CCDC3: variants seen among roughly 807,000 people sequenced by gnomAD.
The protein encoded by CCDC3 is coiled-coil domain containing 3.
A neutral mutation model predicts 21.4 loss-of-function variants in CCDC3; 24 were observed. The ratio of observed to expected loss-of-function variants is 1.12; its 90% CI spans 0.81 to 1.58. The LOEUF (loss-of-function observed/expected upper bound fraction) is 1.58. Among genes scored for constraint, CCDC3 ranks in the 40% most tolerant of loss-of-function variants. CCDC3 has a pLI of 0.00. For missense variants in CCDC3, 425 were observed against 360.9 expected (o/e 1.18, Z -1.44); for synonymous variants, 186 against 166.0 (o/e 1.12, Z -0.93).
chr10:13,082,302 C>G (rs779685491), intron 3 of CCDC3, among the ~76,000 whole-genome samples: 11 of 152,234 alleles, frequency 7.2e-5, no homozygotes, highest in Non-Finnish European at 1.3e-4. Flanking sequence ...ACAGGCGGCC[C>G]TTCCCTGTTT....
intron 4 of CCDC3, among the ~76,000 whole-genome samples, chr10:13,063,039 C>A: frequency 6.6e-6 from 1 of 151,884 alleles, no homozygotes; most frequent in African/African-American, 2.4e-5. Flanking sequence ...ATCAGCACTC[C>A]TGGCTCACTG....
chr10:12,979,008 C>T (rs148454712), intron 2 of CCDC3, among the ~76,000 whole-genome samples: 141 of 152,214 alleles, frequency 9.3e-4, no homozygotes, highest in African/African-American at 3.1e-3. Context: ...CCTGTGTCAT[C>T]GCCTCATCCA....
At chr10:13,006,573 G>C (rs1835926374), upstream of CCDC3, among the ~76,000 whole-genome samples, 1 of 152,188 alleles carries the variant, frequency 6.6e-6, no homozygotes, top group Non-Finnish European at 1.5e-5. Context: ...TCTCTTGGTA[G>C]AAATGAAAGT....
chr10:13,043,053 A>C (rs973186286), intron 5 of CCDC3, among the ~76,000 whole-genome samples: 2 of 152,132 alleles, frequency 1.3e-5, no homozygotes, highest in African/African-American at 4.8e-5. Context: ...ATTTAAAAGG[A>C]AAACTTTTAA....
intron 2 of CCDC3, among the ~76,000 whole-genome samples, chr10:12,923,936 G>A (rs10906254): frequency 1.3e-5 from 2 of 152,078 alleles, no homozygotes; most frequent in Non-Finnish European, 2.9e-5. Flanking sequence ...TCAGGGAATG[G>A]CTACACTTTG....
intron 2 of CCDC3, among the ~76,000 whole-genome samples, chr10:12,933,562 A>T (rs1013263549): frequency 6.6e-6 from 1 of 151,338 alleles, no homozygotes; most frequent in Non-Finnish European, 1.5e-5. Flanking sequence ...GGTTCAAGAG[A>T]GTCTTGTGCC....
At chr10:13,041,286 G>A (rs1185738692) in intron 5 of CCDC3, among the ~76,000 whole-genome samples, 1 of 151,994 alleles carries the variant, frequency 6.6e-6, no homozygotes. Context: ...AAAAACTAAA[G>A]CTAGATGAGT....
At chr10:13,041,885 C>T (rs1210794696) in intron 5 of CCDC3, among the ~76,000 whole-genome samples, 3 of 151,896 alleles carry the variant, frequency 2.0e-5, no homozygotes, top group Admixed American at 2.0e-4. Flanking sequence ...CCTCAACCTA[C>T]CAAAGTGCTG....
At chr10:12,912,696 T>A (rs1294862026) in intron 2 of CCDC3, among the ~76,000 whole-genome samples, 8 of 152,196 alleles carry the variant, frequency 5.3e-5, no homozygotes, top group Non-Finnish European at 8.8e-5. Flanking sequence ...CCCAGACCAA[T>A]GTCATGGAGC....
intron 2 of CCDC3, among the ~76,000 whole-genome samples, chr10:12,923,429 C>T (rs758739585): frequency 8.5e-5 from 13 of 152,162 alleles, no homozygotes; most frequent in Non-Finnish European, 1.6e-4. Context: ...CCTCCTGGCA[C>T]GCCCTTTCCA....
intron 2 of CCDC3, among the ~76,000 whole-genome samples, chr10:12,974,206 C>G (rs554154814): frequency 6.6e-6 from 1 of 152,216 alleles, no homozygotes; most frequent in Non-Finnish European, 1.5e-5. Context: ...CCGGGTACGG[C>G]GAGAAAAACT....
At chr10:13,095,950 G>T (rs1052171494) in intron 3 of CCDC3, among the ~76,000 whole-genome samples, 2 of 152,208 alleles carry the variant, frequency 1.3e-5, no homozygotes, top group African/African-American at 4.8e-5. Flanking sequence ...GCAACTACTG[G>T]TCTGATTTCT....
At chr10:13,094,009 ATT>A (rs1832604754) in intron 3 of CCDC3, among the ~76,000 whole-genome samples, 1 of 152,184 alleles carries the variant, frequency 6.6e-6, no homozygotes, top group African/African-American at 2.4e-5. Context: ...TAAACAGAAA[ATT>A]TTGCTAAAGG....
rs912121613 is a variant in CCDC3 at position 12,998,248 on chromosome 10, G to T, written c.549+90C>A. The T allele has an allele frequency of 4.3e-6, 6 of 1,405,978 alleles. No individual in the cohort carries two copies. In the Admixed American group the frequency reaches 1.0e-4, roughly 24 times the overall value. The allele number at this position is 1,405,978 out of a possible 1,614,324, so 87.1% of individuals were successfully genotyped here. On this transcript the variant is annotated intron_variant, in intron 2 of 2. Coordinates refer to ENST00000378825, the MANE Select transcript of CCDC3 (RefSeq NM_031455.4). ...TACTCTCTGATCTGGGCTTTTGGAA[G>T]AGTATTCTTGATTCCTTTGGTCACA... is the stretch of plus-strand genomic sequence containing the variant.
intron 2 of CCDC3, among the ~76,000 whole-genome samples, chr10:12,962,097 A>G (rs17509186): frequency 0.29 from 44,815 of 152,132 alleles, 7,450 homozygotes; most frequent in Middle Eastern, 0.41. Flanking sequence ...AGAAACTGCT[A>G]TCTTCATGCT....
At chr10:13,033,997 T>C (rs986878249) in intron 5 of CCDC3, among the ~76,000 whole-genome samples, 2 of 152,284 alleles carry the variant, frequency 1.3e-5, no homozygotes, top group African/African-American at 4.8e-5. Context: ...ACTGGGTATA[T>C]ACCCAAAGGA....
chr10:13,066,010 G>T (rs1483576069), intron 4 of CCDC3, among the ~76,000 whole-genome samples: 1 of 152,172 alleles, frequency 6.6e-6, no homozygotes, highest in Non-Finnish European at 1.5e-5. Context: ...CTTGCTTAGG[G>T]TAATGTTTCT....
At chr10:12,905,207 AACG>A (rs1834151745) in intron 2 of CCDC3, among the ~76,000 whole-genome samples, 1 of 152,150 alleles carries the variant, frequency 6.6e-6, no homozygotes, top group African/African-American at 2.4e-5. Flanking sequence ...GTGATCAGGA[AACG>A]ATGGCCTATG....
rs77929206 is a variant in CCDC3, at chr10:12,949,752, T to G, written c.549+48586A>C. On this transcript the variant is annotated intron_variant, in intron 2 of 2. Coordinates refer to ENST00000378825, the MANE Select transcript of CCDC3 (RefSeq NM_031455.4). ...ATCAGATCCTGAAGCAAAAGACTAT[T>G]CCAGTCTTAATACCAGTATATCTGG... Among the ~76,000 whole-genome samples the G allele has an allele frequency of 4.3e-3, 661 of 152,330 alleles. 5 individuals carry two copies. The highest frequency in any genetic ancestry group is 0.015 in the African/African-American group (630 of 41,576).
Sources: gnomAD v4.1 joint callset for allele counts (sites outside exome capture counted in the v4.1 genomes callset) on GRCh38, gnomAD v4.1.1 for gene constraint, MANE v1.5 for transcripts, NCBI Gene and HGNC (gene_info 2026-07-23, HGNC 2026-07-21) for gene names.